NPHP4: variants seen among roughly 807,000 people sequenced by gnomAD.
NPHP4 encodes the protein nephrocystin-4.
Under a neutral mutation model 155.8 loss-of-function variants are expected in NPHP4, and 151 were observed. That is an observed-to-expected ratio of 0.97 (90% CI 0.85 to 1.11). The LOEUF is 1.11. NPHP4 is among the 50% of genes least tolerant of loss of function. NPHP4 has a pLI of 0.00. For synonymous variants in NPHP4, 845 were observed against 816.8 expected (o/e 1.03, Z -0.59); for missense variants, 1,956 against 1,925.7 (o/e 1.02, Z -0.29).
intron 9 of NPHP4, among the ~76,000 whole-genome samples, chr1:5,942,290 G>A (rs577966560): frequency 2.0e-5 from 3 of 152,256 alleles, no homozygotes; most frequent in Non-Finnish European, 2.9e-5. Flanking sequence ...CCAGCACTTT[G>A]GAAGGCCAAG....
At chr1:5,873,982 C>T in intron 22 of NPHP4, 1 of 223,600 alleles carries the variant, frequency 4.5e-6, no homozygotes, top group Non-Finnish European at 8.9e-6. Flanking sequence ...ATCGCCCCTG[C>T]ACACACACCT....
intron 9 of NPHP4, among the ~76,000 whole-genome samples, chr1:5,938,700 T>G (rs1410994245): frequency 1.3e-5 from 2 of 152,240 alleles, no homozygotes; most frequent in Non-Finnish European, 2.9e-5. Context: ...CAGCACTCAT[T>G]TAATTTTACA....
At chr1:5,904,143 C>A (rs12062053) in intron 16 of NPHP4, among the ~76,000 whole-genome samples, 1 of 152,126 alleles carries the variant, frequency 6.6e-6, no homozygotes, top group East Asian at 1.9e-4. Flanking sequence ...GAGACAGGTA[C>A]GGTGGCAGCA....
At chr1:5,957,316 C>A (rs950297673) in intron 6 of NPHP4, among the ~76,000 whole-genome samples, 3 of 152,222 alleles carry the variant, frequency 2.0e-5, no homozygotes, top group African/African-American at 4.8e-5. Context: ...CAAGCAAGAA[C>A]CCCCTTCCCA....
intron 11 of NPHP4, among the ~76,000 whole-genome samples, chr1:5,912,293 C>G (rs1645217744): frequency 6.6e-6 from 1 of 152,188 alleles, no homozygotes; most frequent in Admixed American, 6.5e-5. Context: ...AATCCCAGCA[C>G]TTTGGGAGGC....
In NPHP4 at chr1:5,961,856, T is replaced by G. The variant is rs752808239; in HGVS notation, c.611A>C (p.Glu204Ala). The change falls in exon 6 of 30, where the codon GAG (glutamate) becomes GCG (alanine). Residue 204 changes from glutamate (E) to alanine (A), a missense_variant. Glu to Ala is a moderately radical substitution (Grantham distance 107). Transcript: ENST00000378156. ...ALEPAFHLLP[E>A]NLLVSGLQQI... ...CTGCAGACCAGACACCAGAAGGTTC[T>G]CAGGAAGAAGGTGGAACGCAGGCTC... 1.2e-6 allele frequency: 2 copies of G among 1,613,702 alleles called. No individual in the cohort carries two copies. The highest frequency in any genetic ancestry group is 1.7e-6 in the Non-Finnish European group (2 of 1,179,804).
chr1:5,939,290 T>C (rs953553571), intron 9 of NPHP4, among the ~76,000 whole-genome samples: 38 of 152,352 alleles, frequency 2.5e-4, no homozygotes, highest in African/African-American at 8.7e-4. Flanking sequence ...CACAGGGTAA[T>C]AGGTTCATAA....
intron 11 of NPHP4, among the ~76,000 whole-genome samples, chr1:5,912,464 G>A (rs991089016): frequency 6.6e-6 from 1 of 151,396 alleles, no homozygotes; most frequent in South Asian, 2.1e-4. Context: ...CGTGAACCCG[G>A]GAGGCGGAGC....
intron 11 of NPHP4, among the ~76,000 whole-genome samples, chr1:5,925,239 T>C (rs1324698291): frequency 6.6e-6 from 1 of 152,218 alleles, no homozygotes; most frequent in Admixed American, 6.5e-5. Context: ...AGACTCTTTT[T>C]TTCTTGTCAT....
chr1:5,964,941 A>ATATATTTTTTTTTTTTTTTTTTT, intron 5 of NPHP4, among the ~76,000 whole-genome samples: 5 of 59,414 alleles, frequency 8.4e-5, no homozygotes, highest in African/African-American at 3.4e-4. Flanking sequence ...ATATATATAT[A>ATATATTTTTTTTTTTTTTTTTTT]TTTTTTTTTT....
chr1:5,937,787 G>T (rs1269021388), intron 9 of NPHP4, among the ~76,000 whole-genome samples: 1 of 152,204 alleles, frequency 6.6e-6, no homozygotes, highest in Non-Finnish European at 1.5e-5. Flanking sequence ...AAACATCTCT[G>T]AATGTTCCTA....
chr1:5,964,483 A>G (rs1286507151), intron 5 of NPHP4, among the ~76,000 whole-genome samples: 3 of 152,168 alleles, frequency 2.0e-5, no homozygotes, highest in African/African-American at 4.8e-5. Flanking sequence ...TTATAATGCT[A>G]AAGACCATTC....
At chr1:5,979,388 C>T (rs1213602366) in intron 2 of NPHP4, among the ~76,000 whole-genome samples, 1 of 151,832 alleles carries the variant, frequency 6.6e-6, no homozygotes, top group Non-Finnish European at 1.5e-5. Context: ...GAGCTGAGAA[C>T]AAGGGGGGCA....
Position 5,866,405 on chromosome 1 carries a change from CG to C in NPHP4, c.3611del (p.Pro1204ArgfsTer42). 1 of 1,609,072 alleles carries C rather than the reference CG, an allele frequency of 6.2e-7. No individual in the cohort carries two copies. The highest frequency in any genetic ancestry group is 8.5e-7 in the Non-Finnish European group (1 of 1,177,422). ...TGATGACAAAGAAGTCTTTGATCTCCGGGCTTGGACCACTGGCCACCTTCAG... is the reference window on the plus strand; with the variant it reads ...TGATGACAAAGAAGTCTTTGATCTCCGGCTTGGACCACTGGCCACCTTCAG... ...IFLKVASGPS[P>X]EIKDFFVIIY... On this transcript the variant is annotated frameshift_variant, in exon 26 of 30. Coordinates refer to ENST00000378156, the MANE Select transcript of NPHP4 (RefSeq NM_015102.5). LOFTEE classifies it high-confidence loss of function.
chr1:5,870,331 C>T (rs1330235912), intron 23 of NPHP4, among the ~76,000 whole-genome samples: 1 of 152,094 alleles, frequency 6.6e-6, no homozygotes, highest in Admixed American at 6.5e-5. Flanking sequence ...ATGATAGTAA[C>T]AAAATGAATA....
At chr1:5,974,612 A>T (rs1199761894) in intron 3 of NPHP4, among the ~76,000 whole-genome samples, 2 of 151,682 alleles carry the variant, frequency 1.3e-5, no homozygotes, top group Non-Finnish European at 2.9e-5. Context: ...CAGAATTCTG[A>T]GCTCAGAGCT....
chr1:5,980,544 C>A (rs1384463144), intron 2 of NPHP4, among the ~76,000 whole-genome samples: 1 of 152,110 alleles, frequency 6.6e-6, no homozygotes. Context: ...AAAATTCCCG[C>A]AGCTGCCATG....
At chr1:5,969,470 G>A (rs571785110) in intron 3 of NPHP4, among the ~76,000 whole-genome samples, 6 of 152,254 alleles carry the variant, frequency 3.9e-5, no homozygotes, top group South Asian at 2.1e-4. Flanking sequence ...TGTTGGTGTC[G>A]GAGCTCTTTA....
At chr1:5,952,910 C>T (rs1570610746) in intron 6 of NPHP4, 74 bp from the exon 7 acceptor site, 1 of 1,411,718 alleles carries the variant, frequency 7.1e-7, no homozygotes. Context: ...AGGGTCCCTA[C>T]CCACCCCAGC....
Sources: allele counts gnomAD v4.1 joint callset (sites outside exome capture counted in the v4.1 genomes callset), GRCh38; gene constraint gnomAD v4.1.1; transcripts MANE v1.5; gene names NCBI Gene and HGNC (gene_info 2026-07-23, HGNC 2026-07-21).